Variants in KIF6 observed in about 807,000 individuals in gnomAD.
KIF6 encodes the protein kinesin family member 6.
A neutral mutation model predicts 112.7 loss-of-function variants in KIF6; 106 were observed. The ratio of observed to expected loss-of-function variants is 0.94; its 90% CI spans 0.80 to 1.11. The LOEUF (loss-of-function observed/expected upper bound fraction) is 1.11, where lower values mean the gene tolerates loss of function less well. Among genes scored for constraint, KIF6 ranks in the 50% least tolerant of loss-of-function variants. The pLI is 0.00. For synonymous variants in KIF6, 339 were observed against 339.9 expected (o/e 1.00, Z 0.03); for missense variants, 929 against 964.0 (o/e 0.96, Z 0.48).
chr6:39,432,567 C>T (rs1452689387), intron 13 of KIF6, among the ~76,000 whole-genome samples: 1 of 152,134 alleles, frequency 6.6e-6, no homozygotes, highest in African/African-American at 2.4e-5. Flanking sequence ...TACACCCCAC[C>T]CTTTTCTGAT....
intron 13 of KIF6, among the ~76,000 whole-genome samples, chr6:39,517,856 T>C (rs1317645536): frequency 6.6e-6 from 1 of 152,218 alleles, no homozygotes; most frequent in East Asian, 1.9e-4. Flanking sequence ...TATCTCCTCG[T>C]AGGACATTAT....
chr6:39,613,075 T>G, intron 6 of KIF6, 114 bp downstream of exon 6: 2 of 779,404 alleles, frequency 2.6e-6, no homozygotes, highest in Non-Finnish European at 3.6e-6. Flanking sequence ...CGAGATTATT[T>G]TTAAGGTCAT....
intron 10 of KIF6, among the ~76,000 whole-genome samples, chr6:39,555,195 G>T (rs1446228396): frequency 1.3e-5 from 2 of 152,116 alleles, no homozygotes; most frequent in African/African-American, 2.4e-5. Context: ...CTTTTCTGGG[G>T]CTTTCCCCAC....
intron 10 of KIF6, among the ~76,000 whole-genome samples, chr6:39,563,649 G>A (rs1267611552): frequency 6.6e-6 from 1 of 152,090 alleles, no homozygotes; most frequent in Non-Finnish European, 1.5e-5. Context: ...CAAATTTCTA[G>A]AAGTAAAATT....
intron 19 of KIF6, chr6:39,353,825 G>T: frequency 2.4e-6 from 1 of 409,226 alleles, no homozygotes; most frequent in Non-Finnish European, 4.5e-6. Context: ...GCAGATGCTG[G>T]AGAGATGGAC....
At chr6:39,700,272 T>C (rs1788805883) in intron 3 of KIF6, among the ~76,000 whole-genome samples, 1 of 152,248 alleles carries the variant, frequency 6.6e-6, no homozygotes, top group Non-Finnish European at 1.5e-5. Flanking sequence ...TTGCTAACTT[T>C]TAATTTGGAG....
intron 3 of KIF6, among the ~76,000 whole-genome samples, chr6:39,679,502 A>C (rs1787375303): frequency 6.6e-6 from 1 of 152,114 alleles, no homozygotes; most frequent in Admixed American, 6.6e-5. Context: ...TTGGCTTTTG[A>C]ACATGTCATT....
intron 3 of KIF6, among the ~76,000 whole-genome samples, chr6:39,694,446 C>A (rs1788409572): frequency 6.6e-6 from 1 of 152,144 alleles, no homozygotes; most frequent in South Asian, 2.1e-4. Flanking sequence ...GTCTCCTAGA[C>A]CTGATAAATG....
At chr6:39,449,012 A>G (rs1015625737) in intron 13 of KIF6, among the ~76,000 whole-genome samples, 3 of 152,226 alleles carry the variant, frequency 2.0e-5, no homozygotes, top group African/African-American at 7.2e-5. Flanking sequence ...CCCACATGCC[A>G]TCAGCTCTAG....
At chr6:39,576,970 C>G (rs1433944578) in intron 10 of KIF6, among the ~76,000 whole-genome samples, 1 of 152,108 alleles carries the variant, frequency 6.6e-6, no homozygotes. Context: ...AAAGGAACAC[C>G]ATAGTGAAGA....
At chr6:39,429,521 A>G (rs547080588) in intron 14 of KIF6, among the ~76,000 whole-genome samples, 10 of 152,078 alleles carry the variant, frequency 6.6e-5, no homozygotes, top group African/African-American at 1.9e-4. Flanking sequence ...TTCTCTTACC[A>G]TTAGCTTATT....
At position 39,586,278 on chromosome 6, in the gene KIF6, C is replaced by G; in HGVS notation, c.973G>C (p.Glu325Gln). The G allele has an allele frequency of 6.2e-7, 1 of 1,614,136 alleles. No individual in the cohort carries two copies. The highest frequency in any genetic ancestry group is 8.5e-7 in the Non-Finnish European group (1 of 1,180,002). Residue 325 changes from glutamate (E) to glutamine (Q), a missense_variant, in exon 8 of 23, where the codon GAG becomes CAG. Glu to Gln is a conservative substitution (Grantham distance 29). Coordinates refer to ENST00000287152, the MANE Select transcript of KIF6 (RefSeq NM_145027.6). ...CCACATACATCAAGATTCCTTTTCT[C>G]CAAGGAGAGTGTTGCAATCATAGTT... Reference protein sequence around the residue: ...MTTMIATLSLEKRNLDESIST... With the variant: ...MTTMIATLSLQKRNLDESIST...
rs1481333003 is a variant in KIF6, at chr6:39,584,417, T to TACAAAAAAAAAAAAAAAA, written c.1077+480_1077+481insTTTTTTTTTTTTTTTTGT. The stretch of plus-strand genomic sequence containing the variant: ...TCCAGCCTGAGCAAGACTCTGTCTC[T>TACAAAAAAAAAAAAAAAA]AAAAAAAAAAAAAAAAAAAAAAAAA... On this transcript the variant is annotated intron_variant, in intron 9 of 22. Coordinates refer to ENST00000287152, the MANE Select transcript of KIF6 (RefSeq NM_145027.6). Among the ~76,000 whole-genome samples the TACAAAAAAAAAAAAAAAA allele has an allele frequency of 8.7e-4, 40 of 46,060 alleles. 10 individuals carry two copies. Among genetic ancestry groups the TACAAAAAAAAAAAAAAAA allele is most frequent in the South Asian group, 2.0e-3 (2 of 996 alleles). 30.2% of individuals were successfully genotyped at this position (46,060 alleles called of 152,430 possible).
intron 6 of KIF6, among the ~76,000 whole-genome samples, chr6:39,606,235 T>G (rs1202222526): frequency 1.3e-5 from 2 of 152,052 alleles, no homozygotes; most frequent in Non-Finnish European, 2.9e-5. Context: ...ATTTATTTTC[T>G]GAAGTTTTTC....
intron 13 of KIF6, among the ~76,000 whole-genome samples, chr6:39,458,069 A>G (rs1773253343): frequency 6.6e-6 from 1 of 151,966 alleles, no homozygotes; most frequent in South Asian, 2.1e-4. Flanking sequence ...ACACAACCAA[A>G]AAAGAGAATC....
chr6:39,510,170 T>G (rs1776687786), intron 13 of KIF6, among the ~76,000 whole-genome samples: 1 of 151,160 alleles, frequency 6.6e-6, no homozygotes, highest in African/African-American at 2.4e-5. Flanking sequence ...CTTGGCTCAC[T>G]GCAAGCTCCG....
intron 3 of KIF6, chr6:39,690,612 G>T: frequency 6.5e-6 from 1 of 152,764 alleles, no homozygotes; most frequent in Non-Finnish European, 1.5e-5. Flanking sequence ...AGATGAGGAG[G>T]GAAGGAGGGA....
At chr6:39,631,097 T>C (rs749645178) in intron 5 of KIF6, among the ~76,000 whole-genome samples, 2 of 152,088 alleles carry the variant, frequency 1.3e-5, no homozygotes, top group Non-Finnish European at 2.9e-5. Context: ...GATTTTTGCA[T>C]GTGTAGTCAC....
chr6:39,494,076 A>C (rs1318602738), intron 13 of KIF6, among the ~76,000 whole-genome samples: 2 of 152,230 alleles, frequency 1.3e-5, no homozygotes, highest in Non-Finnish European at 2.9e-5. Flanking sequence ...TTAATCCTTT[A>C]GGGAATGCAA....
Sources: gnomAD v4.1 joint callset for allele counts (sites outside exome capture counted in the v4.1 genomes callset) on GRCh38, gnomAD v4.1.1 for gene constraint, MANE v1.5 for transcripts, NCBI Gene and HGNC (gene_info 2026-07-23, HGNC 2026-07-21) for gene names.